Variants in SUPT5H observed in about 807,000 individuals in gnomAD.
SUPT5H encodes the protein transcription elongation factor SPT5.
A neutral mutation model predicts 142.5 loss-of-function variants in SUPT5H; 24 were observed. That is an observed-to-expected ratio of 0.17 (90% CI 0.12 to 0.24). The LOEUF (loss-of-function observed/expected upper bound fraction) is 0.24, where lower values mean the gene tolerates loss of function less well. Among genes scored for constraint, SUPT5H ranks in the 10% least tolerant of loss-of-function variants. The pLI is 1.00. For missense variants in SUPT5H, 893 were observed against 1,471.8 expected (o/e 0.61, Z 6.43); for synonymous variants, 546 against 553.0 (o/e 0.99, Z 0.18).
intron 8 of SUPT5H, 138 bp from the exon 9 acceptor site, chr19:39,459,421 G>T: frequency 1.5e-6 from 2 of 1,348,842 alleles, no homozygotes; most frequent in South Asian, 1.3e-5. Context: ...CTTGCTCCTG[G>T]GTAGAAGCGT....
In SUPT5H at chr19:39,468,753, C is replaced by T. The variant is rs753920112; in HGVS notation, c.1038-3C>T. On this transcript the variant is annotated splice_polypyrimidine_tract_variant and splice_region_variant and intron_variant, in intron 13 of 29. Coordinates refer to ENST00000432763, the MANE Select transcript of SUPT5H (RefSeq NM_001111020.3). ...TAATCTTCTCTCCCCCATCAAATTCCAGGTCCCTGGGGGGTGATGTTGCCT... is the reference window on the plus strand; with the variant it reads ...TAATCTTCTCTCCCCCATCAAATTCTAGGTCCCTGGGGGGTGATGTTGCCT... 3.1e-6 allele frequency: 5 copies of T among 1,613,746 alleles called. No homozygotes were observed. The highest frequency in any genetic ancestry group is 1.7e-5 in the Admixed American group (1 of 60,012).
Position 39,466,665 on chromosome 19 carries a change from T to C in SUPT5H, c.967-10T>C. 6.2e-7 allele frequency: 1 copy of C among 1,614,198 alleles called. No individual in the cohort carries two copies. The highest frequency in any genetic ancestry group is 8.5e-7 in the Non-Finnish European group (1 of 1,180,020). ...CTCACCCTTCCCACCCATGCCCCTT[T>C]CCTCCATAGAAAGACTGGTTTGCCA... On this transcript the variant is annotated splice_polypyrimidine_tract_variant and intron_variant, in intron 12 of 29. Transcript: ENST00000432763. This position sits in a 1 kb window ranked among gnomAD's most constrained non-coding sequence, Gnocchi z 4.3.
At chr19:39,448,695 C>T (rs2078982870) in intron 2 of SUPT5H, among the ~76,000 whole-genome samples, 1 of 152,080 alleles carries the variant, frequency 6.6e-6, no homozygotes, top group Admixed American at 6.5e-5. Flanking sequence ...CCTTGAAGGA[C>T]AGGGTTCTGT....
intron 4 of SUPT5H, 46 bp downstream of exon 4, chr19:39,457,786 C>T (rs1345384610): frequency 1.9e-6 from 3 of 1,613,542 alleles, no homozygotes; most frequent in Admixed American, 1.7e-5. Context: ...AAGAGGGTGG[C>T]TGAGAGGGTC....
At position 39,473,874 on chromosome 19, in the gene SUPT5H, T is replaced by C. The variant is rs767920569; in HGVS notation, c.2493-89T>C. 1 of 1,562,554 alleles carries C rather than the reference T, an allele frequency of 6.4e-7. No individual in the cohort carries two copies. Among genetic ancestry groups the C allele is most frequent in the South Asian group, 1.1e-5 (1 of 89,836 alleles). ...GGGCTCCCGTGAGAATGAAATTGCTTCAGTTGGGGGTCTGGTGTAGGGTGC... is the reference window on the plus strand; with the variant it reads ...GGGCTCCCGTGAGAATGAAATTGCTCCAGTTGGGGGTCTGGTGTAGGGTGC... On this transcript the variant is annotated intron_variant, in intron 25 of 29. Coordinates refer to ENST00000432763, the MANE Select transcript of SUPT5H (RefSeq NM_001111020.3). The surrounding 1 kb of genome is among the most constrained non-coding windows in gnomAD (Gnocchi z 5.8).
chr19:39,448,338 A>C (rs2078978803), intron 2 of SUPT5H, among the ~76,000 whole-genome samples: 1 of 152,008 alleles, frequency 6.6e-6, no homozygotes, highest in Non-Finnish European at 1.5e-5. Flanking sequence ...TGCAGTGAAG[A>C]GTTGGAGAAA....
chr19:39,464,681 G>C, intron 10 of SUPT5H, 117 bp from the exon 11 acceptor site: 1 of 1,419,020 alleles, frequency 7.0e-7, no homozygotes, highest in East Asian at 2.3e-5. Flanking sequence ...ATGTCATTGT[G>C]CCAGTGTGTT....
intron 2 of SUPT5H, among the ~76,000 whole-genome samples, chr19:39,450,816 C>G (rs758069975): frequency 2.0e-5 from 3 of 152,182 alleles, no homozygotes; most frequent in Non-Finnish European, 2.9e-5. Context: ...AAAGTTTCAT[C>G]TTAGTGCTAC....
chr19:39,452,104 A>G (rs1568418825), intron 2 of SUPT5H, among the ~76,000 whole-genome samples: 1 of 152,170 alleles, frequency 6.6e-6, no homozygotes, highest in Non-Finnish European at 1.5e-5. Context: ...TGATGTTTAC[A>G]GGCAGAAAGG....
In SUPT5H at chr19:39,470,872, C is replaced by CA. The variant is rs1175893303; in HGVS notation, c.1677+350dup. 2.6e-5 allele frequency among the ~76,000 whole-genome samples: 4 copies of CA among 152,098 alleles called. No homozygotes were observed. The highest frequency in any genetic ancestry group is 4.4e-5 in the Non-Finnish European group (3 of 68,018). On this transcript the variant is annotated intron_variant, in intron 18 of 29. Transcript: ENST00000432763. The surrounding 1 kb of genome is among the most constrained non-coding windows in gnomAD (Gnocchi z 5.8). ...CCTCATGGATGTGGGAGTCATGGAG[C>CA]ACAGTACTTAGGATCCTGGACTCCA...
At position 39,445,696 on chromosome 19, in the gene SUPT5H, C is replaced by T. The variant is rs540791293; in HGVS notation, c.-88+59C>T. On this transcript the variant is annotated intron_variant, in intron 1 of 29. Coordinates refer to ENST00000432763, the MANE Select transcript of SUPT5H (RefSeq NM_001111020.3). ...GCCGGGGAGGTGTAGAGAACAGATT[C>T]GGAAACTGGGGAGGTCTAGCATGTG... 1.2e-4 allele frequency: 77 copies of T among 643,168 alleles called. No homozygotes were observed. In the African/African-American group the frequency reaches 1.4e-3, roughly 11 times the overall value. The allele number at this position is 643,168 out of a possible 1,614,324, so 39.8% of individuals were successfully genotyped here.
At position 39,471,758 on chromosome 19, in the gene SUPT5H, C is replaced by T. The variant is rs548348980; in HGVS notation, c.1950+28C>T. On this transcript the variant is annotated intron_variant, in intron 20 of 29. Coordinates refer to ENST00000432763, the MANE Select transcript of SUPT5H (RefSeq NM_001111020.3). ...GAGGTGGGCATGGCAGGACCCTGTGCGTTGGGTACCTGGCTCAGCTCTCCA... is the reference window on the plus strand; with the variant it reads ...GAGGTGGGCATGGCAGGACCCTGTGTGTTGGGTACCTGGCTCAGCTCTCCA... The T allele has an allele frequency of 2.2e-5, 36 of 1,602,970 alleles. No individual in the cohort carries two copies. In the South Asian group the frequency reaches 3.9e-4, roughly 17 times the overall value.
intron 2 of SUPT5H, among the ~76,000 whole-genome samples, chr19:39,451,653 T>A (rs775142506): frequency 7.9e-5 from 12 of 152,188 alleles, no homozygotes; most frequent in Non-Finnish European, 1.2e-4. Flanking sequence ...TACCTCAGCC[T>A]CCTGAGTAGC....
intron 2 of SUPT5H, among the ~76,000 whole-genome samples, chr19:39,447,902 C>T (rs2078973523): frequency 6.6e-6 from 1 of 152,056 alleles, no homozygotes; most frequent in Non-Finnish European, 1.5e-5. Context: ...ATTATAGATC[C>T]CTTGTTTGAT....
intron 3 of SUPT5H, among the ~76,000 whole-genome samples, chr19:39,454,696 A>G (rs896654280): frequency 6.6e-6 from 1 of 152,218 alleles, no homozygotes; most frequent in African/African-American, 2.4e-5. Flanking sequence ...GTTCCTAAAA[A>G]GATAAGACTA....
chr19:39,471,902 C>A, intron 20 of SUPT5H, 172 bp downstream of exon 20: 4 of 976,436 alleles, frequency 4.1e-6, no homozygotes, highest in Non-Finnish European at 5.8e-6. Context: ...AGCTGTTCAC[C>A]AAGTTATTTT....
chr19:39,453,665 T>C lies in SUPT5H; in HGVS notation c.241+144T>C, dbSNP rs573848092. The C allele has an allele frequency of 7.5e-5, 75 of 1,001,334 alleles. No individual in the cohort carries two copies. The South Asian group carries it at 2.1e-3, about 28-fold the overall frequency. 62.0% of individuals were successfully genotyped at this position (1,001,334 alleles called of 1,614,324 possible). A position where few individuals can be genotyped will look rare whatever the true frequency, so the allele number is the denominator to read the frequency against. On this transcript the variant is annotated intron_variant, in intron 3 of 29. Transcript: ENST00000432763. ...ATGAACTTGGCTCACTGCAAGTTCA[T>C]GCCATTCTCCTGCCTCAGCCTCCTG...
intron 3 of SUPT5H, among the ~76,000 whole-genome samples, chr19:39,456,352 C>G (rs1267529203): frequency 6.6e-6 from 1 of 151,708 alleles, no homozygotes; most frequent in Non-Finnish European, 1.5e-5. Context: ...ACCTCAGCCT[C>G]CTGAGTAGCT....
In SUPT5H at chr19:39,474,347, A is replaced by G; in HGVS notation, c.2765A>G (p.Gln922Arg). The G allele has an allele frequency of 6.2e-7, 1 of 1,614,042 alleles. No individual in the cohort carries two copies. Among genetic ancestry groups the G allele is most frequent in the Non-Finnish European group, 8.5e-7 (1 of 1,179,994 alleles). ...GTGGCGCCAAGCCCAGCAGGCTACC[A>G]GAATACCCACTCCCCAGCCAGCTAC... Reference protein sequence around the residue: ...HQVAPSPAGYQNTHSPASYHP... With the variant: ...HQVAPSPAGYRNTHSPASYHP... The change falls in exon 27 of 30, where the codon CAG (glutamine) becomes CGG (arginine). Residue 922 changes from glutamine to arginine, a missense_variant. This residue lies in a region of SUPT5H where 336 missense variants were observed against 546.5 expected (regional missense o/e 0.61). Transcript: ENST00000432763. The surrounding 1 kb of genome is among the most constrained non-coding windows in gnomAD (Gnocchi z 6.5).
Sources: allele counts gnomAD v4.1 joint callset (sites outside exome capture counted in the v4.1 genomes callset), GRCh38; gene constraint gnomAD v4.1.1; regional missense constraint gnomAD v4.1.1; non-coding constraint Gnocchi (gnomAD v3.1); transcripts MANE v1.5; gene names NCBI Gene and HGNC (gene_info 2026-07-23, HGNC 2026-07-21).